SHTN1: variants seen among roughly 807,000 people sequenced by gnomAD.
SHTN1 encodes the protein shootin 1, also known as shootin-1.
SHTN1 carries 42 observed loss-of-function variants against 83.1 expected under a neutral mutation model. That is an observed-to-expected ratio of 0.51 (90% confidence interval 0.39 to 0.65). The LOEUF is 0.65. Among genes scored for constraint, SHTN1 ranks in the 30% least tolerant of loss-of-function variants. The pLI is 0.00. For synonymous variants in SHTN1, 224 were observed against 247.7 expected (o/e 0.90, Z 0.90); for missense variants, 622 against 737.8 (o/e 0.84, Z 1.82).
chr10:116,979,898 A>G (rs1367053289), intron 1 of SHTN1, among the ~76,000 whole-genome samples: 2 of 152,230 alleles, frequency 1.3e-5, no homozygotes, highest in Admixed American at 6.5e-5. Context: ...AAAGCAAAAA[A>G]TTTATGAAGG....
At chr10:116,916,184 CA>C (rs902840538) in intron 12 of SHTN1, among the ~76,000 whole-genome samples, 2 of 151,134 alleles carry the variant, frequency 1.3e-5, no homozygotes, top group African/African-American at 2.4e-5. Flanking sequence ...TATTTTGCTG[CA>C]AAAAAAATAA....
intron 11 of SHTN1, among the ~76,000 whole-genome samples, chr10:116,927,391 T>A (rs1848780420): frequency 6.6e-6 from 1 of 152,190 alleles, no homozygotes. Context: ...AGAGGTTTAA[T>A]TGACTCACAG....
At chr10:116,987,843 A>C (rs1402285936) in intron 1 of SHTN1, among the ~76,000 whole-genome samples, 2 of 151,580 alleles carry the variant, frequency 1.3e-5, no homozygotes, top group Non-Finnish European at 2.9e-5. Flanking sequence ...TGAACCGAGG[A>C]GGCGGAGGTT....
intron 10 of SHTN1, among the ~76,000 whole-genome samples, chr10:116,929,475 G>C (rs1848869532): frequency 6.6e-6 from 1 of 152,112 alleles, no homozygotes; most frequent in South Asian, 2.1e-4. Flanking sequence ...TTTTTAAAAA[G>C]TTTAATTCTT....
At chr10:116,912,152 T>G (rs973567985) in intron 13 of SHTN1, among the ~76,000 whole-genome samples, 1 of 152,230 alleles carries the variant, frequency 6.6e-6, no homozygotes, top group African/African-American at 2.4e-5. Flanking sequence ...GACATCGGAT[T>G]TCAAAGATCT....
At chr10:117,097,547 G>GT (rs1853522158) in intron 1 of SHTN1, among the ~76,000 whole-genome samples, 1 of 152,186 alleles carries the variant, frequency 6.6e-6, no homozygotes, top group Non-Finnish European at 1.5e-5. Context: ...CAACTGTGGG[G>GT]TTTTGGATTT....
chr10:117,022,544 C>T (rs1589899593), intron 2 of SHTN1, among the ~76,000 whole-genome samples: 1 of 151,996 alleles, frequency 6.6e-6, no homozygotes, highest in African/African-American at 2.4e-5. Flanking sequence ...AAAATACACA[C>T]AACTAAACAA....
chr10:116,955,311 T>C (rs988421551), intron 4 of SHTN1, among the ~76,000 whole-genome samples: 1 of 152,158 alleles, frequency 6.6e-6, no homozygotes, highest in African/African-American at 2.4e-5. Context: ...TTTGCTCATA[T>C]TTTCTCTTCC....
intron 2 of SHTN1, among the ~76,000 whole-genome samples, chr10:117,040,461 A>G (rs2133580092): frequency 6.6e-6 from 1 of 152,332 alleles, no homozygotes; most frequent in East Asian, 1.9e-4. Flanking sequence ...TAAATTTTTC[A>G]GAAATTGACA....
At position 117,053,024 on chromosome 10, in the gene SHTN1, A is replaced by AAAAAAAAAAAG. The variant is rs1554934278; in HGVS notation, c.-188-4515_-188-4514insCTTTTTTTTTT. Among the ~76,000 whole-genome samples, 5 of 51,282 alleles carry AAAAAAAAAAAG rather than the reference A, an allele frequency of 9.8e-5. 2 individuals carry two copies. The highest frequency in any genetic ancestry group is 2.8e-4 in the Non-Finnish European group (5 of 17,614). The allele number at this position is 51,282 out of a possible 152,430, so 33.6% of individuals were successfully genotyped here. A position where few individuals can be genotyped will look rare whatever the true frequency, so the allele number is the denominator to read the frequency against. On this transcript the variant is annotated intron_variant, in intron 1 of 17. Transcript: ENST00000392901. ...AACAGAGCAAGACTGTGTCTCAAAA[A>AAAAAAAAAAAG]AAAAAAGAATTAAGAATTAAGTTGG...
intron 1 of SHTN1, among the ~76,000 whole-genome samples, chr10:117,097,030 G>GACACAC (rs5788209): frequency 0.1 from 15,084 of 148,900 alleles, 808 homozygotes; most frequent in South Asian, 0.17. Context: ...CACACACATA[G>GACACAC]ACACACACAC....
intron 15 of SHTN1, among the ~76,000 whole-genome samples, chr10:116,903,686 T>C (rs1348810881): frequency 6.6e-6 from 1 of 152,178 alleles, no homozygotes; most frequent in Non-Finnish European, 1.5e-5. Flanking sequence ...TCTGATCAGC[T>C]CTATTCTGCC....
intron 2 of SHTN1, among the ~76,000 whole-genome samples, chr10:117,038,119 G>C (rs954047430): frequency 2.6e-5 from 4 of 151,594 alleles, no homozygotes; most frequent in African/African-American, 7.3e-5. Flanking sequence ...CTATAGATGA[G>C]CTTGGGTTTG....
At chr10:117,001,608 A>G (rs1851823771) in intron 1 of SHTN1, among the ~76,000 whole-genome samples, 1 of 152,198 alleles carries the variant, frequency 6.6e-6, no homozygotes, top group African/African-American at 2.4e-5. Context: ...GGCAAAATGA[A>G]GAGAGATTGT....
Position 116,962,041 on chromosome 10 carries a change from TC to T in SHTN1, c.173-1812del, listed in dbSNP as rs397845285. On this transcript the variant is annotated intron_variant, in intron 3 of 16. Transcript: ENST00000355371. ...AAAAGAAATGATTGTGTGTTGAAGCTCCCCCCCCCTTCCACATCACCCCCCT... is the reference window on the plus strand; with the variant it reads ...AAAAGAAATGATTGTGTGTTGAAGCTCCCCCCCCTTCCACATCACCCCCCT... Among the ~76,000 whole-genome samples, 442 of 134,494 alleles carry T rather than the reference TC, an allele frequency of 3.3e-3. 7 individuals carry two copies. The highest frequency in any genetic ancestry group is 0.01 in the African/African-American group (359 of 35,020). The allele number at this position is 134,494 out of a possible 152,430, so 88.2% of individuals were successfully genotyped here. A position where few individuals can be genotyped will look rare whatever the true frequency, so the allele number is the denominator to read the frequency against.
At chr10:117,095,476 T>C (rs1332562827) in intron 1 of SHTN1, among the ~76,000 whole-genome samples, 3 of 152,182 alleles carry the variant, frequency 2.0e-5, no homozygotes, top group Non-Finnish European at 2.9e-5. Flanking sequence ...TTCGAAAATA[T>C]CACACTAAGA....
intron 3 of SHTN1, among the ~76,000 whole-genome samples, chr10:116,962,760 T>C (rs967899802): frequency 3.3e-5 from 5 of 152,322 alleles, no homozygotes; most frequent in Middle Eastern, 3.4e-3. Context: ...ACACTCCATC[T>C]GGTGGGGTTT....
At chr10:116,992,193 C>T (rs1242310154) in intron 1 of SHTN1, among the ~76,000 whole-genome samples, 2 of 152,050 alleles carry the variant, frequency 1.3e-5, no homozygotes, top group Admixed American at 6.6e-5. Context: ...ATTCCAAAGG[C>T]AAACAGCACT....
At chr10:117,038,916 C>T (rs916790072) in intron 2 of SHTN1, among the ~76,000 whole-genome samples, 3 of 152,188 alleles carry the variant, frequency 2.0e-5, no homozygotes, top group African/African-American at 4.8e-5. Flanking sequence ...AATACAGCCA[C>T]TTTGGAAGAC....
Sources: allele counts gnomAD v4.1 joint callset (sites outside exome capture counted in the v4.1 genomes callset), GRCh38; gene constraint gnomAD v4.1.1; transcripts MANE v1.5; gene names NCBI Gene and HGNC (gene_info 2026-07-23, HGNC 2026-07-21).